SMARCA5: variants seen among roughly 807,000 people sequenced by gnomAD.
SMARCA5 encodes SNF2 related chromatin remodeling ATPase 5.
Under a neutral mutation model 140.4 loss-of-function variants are expected in SMARCA5, and 18 were observed. The ratio of observed to expected loss-of-function variants is 0.13; its 90% CI spans 0.09 to 0.19. The LOEUF is 0.19. SMARCA5 is among the 10% of genes least tolerant of loss of function. The probability of loss-of-function intolerance (pLI) is 1.00; values close to 1 mark genes in which losing one functional copy is unlikely to be tolerated. For synonymous variants in SMARCA5, 449 were observed against 419.6 expected, an observed-to-expected ratio of 1.07 and a Z score of -0.86; for missense variants, 606 against 1,276.8, an observed-to-expected ratio of 0.47 and a Z score of 8.01.
Position 143,526,341 on chromosome 4 carries a change from A to G in SMARCA5, c.682A>G (p.Ile228Val). 3 of 1,614,036 alleles carry G rather than the reference A, an allele frequency of 1.9e-6. No homozygotes were observed. The highest frequency in any genetic ancestry group is 2.5e-6 in the Non-Finnish European group (3 of 1,179,912). Residue 228 changes from isoleucine (I) to valine (V), a missense_variant, in exon 6 of 24, where the codon ATT (isoleucine) becomes GTT (valine). By Grantham distance (29) the Ile-to-Val change is conservative. Transcript: ENST00000283131. ...TGGGTACATGAAACATTATAGAAAC[A>G]TTCCTGGGCCTCATATGGTTTTGGT... is the stretch of plus-strand genomic sequence containing the variant. ...LLGYMKHYRN[I>V]PGPHMVLVPK...
intron 14 of SMARCA5, among the ~76,000 whole-genome samples, 186 bp downstream of exon 14, chr4:143,540,681 G>C (rs1737410013): frequency 6.6e-6 from 1 of 152,184 alleles, no homozygotes; most frequent in Admixed American, 6.5e-5. Flanking sequence ...TTTGGGCTCA[G>C]GACAGTTGAG....
intron 21 of SMARCA5, 107 bp from the exon 22 acceptor site, chr4:143,547,821 A>G: frequency 1.5e-6 from 1 of 661,236 alleles, no homozygotes; most frequent in East Asian, 2.8e-5. Flanking sequence ...TAGATAGAAA[A>G]TTCTGATTTG....
At chr4:143,539,392 G>C (rs915139436) in intron 13 of SMARCA5, among the ~76,000 whole-genome samples, 2 of 152,126 alleles carry the variant, frequency 1.3e-5, no homozygotes, top group Admixed American at 1.3e-4. Flanking sequence ...TTCCACTTTA[G>C]TTATTTAAAA....
intron 9 of SMARCA5, among the ~76,000 whole-genome samples, chr4:143,531,277 A>G (rs1362363076): frequency 6.6e-6 from 1 of 152,212 alleles, no homozygotes; most frequent in South Asian, 2.1e-4. Flanking sequence ...CACAGTTGGT[A>G]TGTTTTTGCT....
chr4:143,536,637 T>C lies in SMARCA5; in HGVS notation c.1454T>C (p.Met485Thr), dbSNP rs1302742256. The C allele has an allele frequency of 6.2e-7, 1 of 1,613,544 alleles. No homozygotes were observed. Among genetic ancestry groups the C allele is most frequent in the African/African-American group, 1.3e-5 (1 of 74,866 alleles). The change falls in exon 11 of 24, where the codon ATG (methionine) becomes ACG (threonine). Residue 485 changes from methionine to threonine, a missense_variant. Transcript: ENST00000283131. ...CATCTAGTAACCAACAGTGGCAAAA[T>C]GGTGGTTTTAGACAAGCTGCTCCCT... is the stretch of plus-strand genomic sequence containing the variant. ...DMHLVTNSGK[M>T]VVLDKLLPKL...
chr4:143,523,279 T>G (rs187610556), intron 3 of SMARCA5, among the ~76,000 whole-genome samples: 95 of 152,188 alleles, frequency 6.2e-4, no homozygotes, highest in Middle Eastern at 3.4e-3. Context: ...CACCCACCTC[T>G]GCCTCCTAAA....
chr4:143,546,466 A>T (rs1300990328), intron 19 of SMARCA5, among the ~76,000 whole-genome samples: 1 of 151,970 alleles, frequency 6.6e-6, no homozygotes, highest in Non-Finnish European at 1.5e-5. Context: ...CTACTTGCTC[A>T]TATTTTTGCC....
chr4:143,528,740 TTAA>T lies in SMARCA5; in HGVS notation c.1089+35_1089+37del, dbSNP rs764743754. ...GTAAGTATTTCCTGGTGCTTTCTGGTTAATAATAATATTTTGCTTAATGCTATA... is the reference window on the plus strand; with the variant it reads ...GTAAGTATTTCCTGGTGCTTTCTGGTTAATAATATTTTGCTTAATGCTATA... On this transcript the variant is annotated intron_variant, in intron 8 of 23. Coordinates refer to ENST00000283131, the MANE Select transcript of SMARCA5 (RefSeq NM_003601.4). 14 of 1,601,144 alleles carry T rather than the reference TTAA, an allele frequency of 8.7e-6. No homozygotes were observed. In the Admixed American group the frequency reaches 1.2e-4, roughly 14 times the overall value.
Position 143,546,857 on chromosome 4 carries a change from A to G in SMARCA5, c.2602A>G (p.Ile868Val), listed in dbSNP as rs373549412. The G allele has an allele frequency of 1.2e-6, 2 of 1,612,582 alleles. No homozygotes were observed. Among genetic ancestry groups the G allele is most frequent in the African/African-American group, 1.3e-5 (1 of 74,876 alleles). The change falls in exon 20 of 24, where the codon ATA becomes GTA. Residue 868 changes from isoleucine to valine, a missense_variant. Transcript: ENST00000283131. ...GTGGGGTCGTGATGATATTGAAAAT[A>G]TAGCAAGAGAAGTAGAAGGCAAAAC... ...EKWGRDDIEN[I>V]AREVEGKTPE...
chr4:143,528,568 GTTCTT>G lies in SMARCA5; in HGVS notation c.958-8_958-4del. ...GCAGAATATTCTAATGGTGTATTTGGTTCTTTTCTTTCAGTTGTCAGAAATAGTGA... is the reference window on the plus strand; with the variant it reads ...GCAGAATATTCTAATGGTGTATTTGGTTCTTTCAGTTGTCAGAAATAGTGA... On this transcript the variant is annotated splice_polypyrimidine_tract_variant and intron_variant, in intron 7 of 23. Transcript: ENST00000283131. 6.2e-7 allele frequency: 1 copy of G among 1,607,254 alleles called. No homozygotes were observed. The highest frequency in any genetic ancestry group is 8.5e-7 in the Non-Finnish European group (1 of 1,176,520).
chr4:143,541,025 CT>C (rs1737415660), intron 14 of SMARCA5, among the ~76,000 whole-genome samples: 1 of 152,112 alleles, frequency 6.6e-6, no homozygotes, highest in African/African-American at 2.4e-5. Flanking sequence ...AGTATTCTTA[CT>C]TTCAAAGAGT....
chr4:143,550,018 A>T lies in SMARCA5; in HGVS notation c.3007A>T (p.Thr1003Ser). ...TAMELQRRCNTLITLIERENM... is the reference protein window; with the variant it reads ...TAMELQRRCNSLITLIERENM... ...TTAGGAGCTCCAGAGGAGATGTAAT[A>T]CCTTAATTACTTTGATTGAAAGAGA... The change falls in exon 23 of 24, where the codon ACC (threonine) becomes TCC (serine). Residue 1003 changes from threonine to serine, a missense_variant. Physicochemically the swap from Thr to Ser is moderately conservative, Grantham distance 58 (BLOSUM62 1). This residue lies in a region of SMARCA5 where 40 missense variants were observed against 59.8 expected (regional missense o/e 0.67). Transcript: ENST00000283131. 2 of 1,595,100 alleles carry T rather than the reference A, an allele frequency of 1.3e-6. No individual in the cohort carries two copies. Among genetic ancestry groups the T allele is most frequent in the Non-Finnish European group, 1.7e-6 (2 of 1,168,404 alleles).
At chr4:143,519,809 C>T (rs1477101552) in intron 2 of SMARCA5, among the ~76,000 whole-genome samples, 2 of 152,070 alleles carry the variant, frequency 1.3e-5, no homozygotes, top group African/African-American at 4.8e-5. Context: ...GTATTTATTG[C>T]CTATCAGTCT....
At chr4:143,515,835 A>G (rs1442031709) in intron 1 of SMARCA5, among the ~76,000 whole-genome samples, 3 of 152,166 alleles carry the variant, frequency 2.0e-5, no homozygotes, top group Admixed American at 1.3e-4. Flanking sequence ...TTGCTCTGCC[A>G]TGTTCTTACC....
rs753445235 is a variant in SMARCA5 at position 143,517,414 on chromosome 4, C to T, written c.237C>T (p.Thr79=). 2.4e-5 allele frequency: 39 copies of T among 1,606,828 alleles called. No individual in the cohort carries two copies. Among genetic ancestry groups the T allele is most frequent in the Non-Finnish European group, 3.2e-5 (38 of 1,176,288 alleles). The change falls in exon 2 of 24, where the codon ACC becomes ACT. Residue 79 remains threonine (T), a synonymous_variant. Coordinates refer to ENST00000283131, the MANE Select transcript of SMARCA5 (RefSeq NM_003601.4). ...AGGAAATCCAAGAACCAGATCCTAC[C>T]TATGAAGAAAAAATGGTATGTTCTA... The part of the protein sequence containing the change: ...KQKEIQEPDP[T]YEEKMQTDRA...
At chr4:143,540,627 A>AT in intron 14 of SMARCA5, 132 bp downstream of exon 14, 11 of 781,660 alleles carry the variant, frequency 1.4e-5, no homozygotes, top group Non-Finnish European at 2.1e-5. Flanking sequence ...GATGACTTGT[A>AT]TTGCAAATAC....
chr4:143,532,044 A>T (rs2149820510), intron 9 of SMARCA5, among the ~76,000 whole-genome samples: 1 of 152,308 alleles, frequency 6.6e-6, no homozygotes, highest in African/African-American at 2.4e-5. Flanking sequence ...GCACAGATTT[A>T]TTTGTCTTTG....
At chr4:143,547,567 G>C in intron 21 of SMARCA5, 64 bp downstream of exon 21, 1 of 845,600 alleles carries the variant, frequency 1.2e-6, no homozygotes, top group Non-Finnish European at 2.0e-6. Context: ...GTATGAGAGA[G>C]TGACTTTTTA....
At chr4:143,516,907 A>G (rs1050463739) in intron 1 of SMARCA5, among the ~76,000 whole-genome samples, 1 of 152,232 alleles carries the variant, frequency 6.6e-6, no homozygotes, top group Non-Finnish European at 1.5e-5. Context: ...GTAATATTCC[A>G]GAAGGTGGAA....
Sources: allele counts gnomAD v4.1 joint callset (sites outside exome capture counted in the v4.1 genomes callset), GRCh38; gene constraint gnomAD v4.1.1; regional missense constraint gnomAD v4.1.1; transcripts MANE v1.5; gene names NCBI Gene and HGNC (gene_info 2026-07-23, HGNC 2026-07-21).